KIAA1328: variants seen among roughly 807,000 people sequenced by gnomAD.
KIAA1328 encodes protein hinderin.
In KIAA1328, 52 loss-of-function variants were observed where a neutral mutation model predicts 68.1. The observed-to-expected ratio is 0.76, with a 90% CI of 0.61 to 0.96. The LOEUF (loss-of-function observed/expected upper bound fraction) is 0.96. KIAA1328 is among the 40% of genes least tolerant of loss of function. The pLI is 0.00. For synonymous variants in KIAA1328, 232 were observed against 239.4 expected (o/e 0.97, Z 0.28); for missense variants, 641 against 677.6 (o/e 0.95, Z 0.60).
At chr18:37,141,537 A>C (rs1322650643) in intron 7 of KIAA1328, among the ~76,000 whole-genome samples, 1 of 152,216 alleles carries the variant, frequency 6.6e-6, no homozygotes, top group Non-Finnish European at 1.5e-5. Context: ...GGCAAAACAA[A>C]AGACAACTGA....
intron 4 of KIAA1328, among the ~76,000 whole-genome samples, chr18:36,845,497 T>C (rs1343457583): frequency 6.6e-6 from 1 of 151,732 alleles, no homozygotes; most frequent in Non-Finnish European, 1.5e-5. Context: ...CCCATTTCAT[T>C]TGAGCTGCCA....
chr18:37,128,980 T>A (rs2058458372), intron 7 of KIAA1328, among the ~76,000 whole-genome samples: 1 of 152,086 alleles, frequency 6.6e-6, no homozygotes, highest in South Asian at 2.1e-4. Context: ...AGAAAACAGA[T>A]CAGTGCTTGC....
intron 9 of KIAA1328, among the ~76,000 whole-genome samples, chr18:37,211,225 G>A (rs2060309967): frequency 6.6e-6 from 1 of 152,156 alleles, no homozygotes; most frequent in South Asian, 2.1e-4. Context: ...TCTAGTCTGG[G>A]AAGTCAAGGG....
intron 4 of KIAA1328, among the ~76,000 whole-genome samples, chr18:36,881,457 AAAG>A (rs35313988): frequency 0.1 from 15,781 of 152,078 alleles, 2,748 homozygotes; most frequent in African/African-American, 0.36. Flanking sequence ...ACTTAAAAAG[AAAG>A]AAGAAGGTCA....
At chr18:36,848,317 G>A (rs1232586470) in intron 4 of KIAA1328, among the ~76,000 whole-genome samples, 1 of 151,214 alleles carries the variant, frequency 6.6e-6, no homozygotes, top group African/African-American at 2.4e-5. Context: ...TTATACTATT[G>A]TAAGTGGTGT....
At chr18:37,090,376 G>A (rs890399948) in intron 7 of KIAA1328, among the ~76,000 whole-genome samples, 8 of 152,100 alleles carry the variant, frequency 5.3e-5, no homozygotes, top group African/African-American at 1.4e-4. Flanking sequence ...GATCATTCTC[G>A]TAACCATTCT....
At chr18:37,152,623 G>C (rs1301282809) in intron 7 of KIAA1328, among the ~76,000 whole-genome samples, 1 of 152,182 alleles carries the variant, frequency 6.6e-6, no homozygotes, top group Non-Finnish European at 1.5e-5. Context: ...TCCATACAGT[G>C]GCGCGTTGGC....
chr18:36,949,122 T>C (rs983221896), intron 5 of KIAA1328, among the ~76,000 whole-genome samples: 2 of 152,308 alleles, frequency 1.3e-5, no homozygotes, highest in East Asian at 3.9e-4. Context: ...CAGCTTTTTT[T>C]CTTCTACAGT....
chr18:37,040,788 C>T (rs1217648725), intron 6 of KIAA1328, among the ~76,000 whole-genome samples: 2 of 151,398 alleles, frequency 1.3e-5, no homozygotes, highest in South Asian at 2.1e-4. Flanking sequence ...TTTCTTCCTT[C>T]CCCTTTGACT....
At chr18:37,019,370 G>T (rs1460242458) in intron 6 of KIAA1328, among the ~76,000 whole-genome samples, 1 of 152,232 alleles carries the variant, frequency 6.6e-6, no homozygotes, top group Non-Finnish European at 1.5e-5. Context: ...TTTACTGGCA[G>T]AAGTTCTCTG....
chr18:37,177,835 A>C (rs2059624000), intron 9 of KIAA1328, among the ~76,000 whole-genome samples: 1 of 152,070 alleles, frequency 6.6e-6, no homozygotes, highest in Non-Finnish European at 1.5e-5. Flanking sequence ...GTTTATTTTT[A>C]TTAATTGACA....
At chr18:37,161,056 A>AAAAGATGTACAGG (rs1240243654) in intron 8 of KIAA1328, among the ~76,000 whole-genome samples, 1 of 152,180 alleles carries the variant, frequency 6.6e-6, no homozygotes, top group African/African-American at 2.4e-5. Context: ...TATTGTACAG[A>AAAAGATGTACAGG]AAAGATGTAC....
At position 36,992,883 on chromosome 18, in the gene KIAA1328, C is replaced by T. The variant is rs77985191; in HGVS notation, c.576+33448C>T. The stretch of plus-strand genomic sequence containing the variant: ...CTTTGGGAGGCCAAGGCGAGTGGAT[C>T]GCTTGAGCCCAGGAACTTGAGACTA... On this transcript the variant is annotated intron_variant, in intron 6 of 9. Coordinates refer to ENST00000280020, the MANE Select transcript of KIAA1328 (RefSeq NM_020776.3). 7.4e-3 allele frequency among the ~76,000 whole-genome samples: 1,121 copies of T among 152,218 alleles called. 20 individuals are homozygous for T. The East Asian group carries it at 0.075, about 10-fold the overall frequency.
At chr18:37,189,394 T>G (rs1424217542) in intron 9 of KIAA1328, among the ~76,000 whole-genome samples, 2 of 152,204 alleles carry the variant, frequency 1.3e-5, no homozygotes, top group African/African-American at 4.8e-5. Flanking sequence ...TAAAATAAAT[T>G]ATTTTAAAAA....
intron 5 of KIAA1328, among the ~76,000 whole-genome samples, chr18:36,953,136 G>GC (rs1208398849): frequency 1.3e-5 from 2 of 150,332 alleles, no homozygotes; most frequent in African/African-American, 2.4e-5. Context: ...TATCTGCTTT[G>GC]CCCCCTCTCG....
At chr18:36,969,088 A>T (rs1196527813) in intron 6 of KIAA1328, among the ~76,000 whole-genome samples, 1 of 152,208 alleles carries the variant, frequency 6.6e-6, no homozygotes, top group Non-Finnish European at 1.5e-5. Flanking sequence ...CTTTGAAATG[A>T]TTGAGAACAA....
intron 6 of KIAA1328, among the ~76,000 whole-genome samples, chr18:37,031,925 G>C (rs548632609): frequency 1.3e-5 from 2 of 152,134 alleles, no homozygotes; most frequent in Non-Finnish European, 2.9e-5. Flanking sequence ...GCAGCACTTT[G>C]GGAGGCTGAG....
chr18:37,087,806 G>A (rs1419242293), intron 7 of KIAA1328, among the ~76,000 whole-genome samples: 2 of 151,986 alleles, frequency 1.3e-5, no homozygotes, highest in Non-Finnish European at 2.9e-5. Context: ...GGGAGCCAGG[G>A]GGAGTAAAAA....
chr18:36,916,710 G>C (rs184861118), intron 5 of KIAA1328, among the ~76,000 whole-genome samples: 77 of 152,276 alleles, frequency 5.1e-4, no homozygotes, highest in Admixed American at 2.2e-3. Flanking sequence ...GCACAGAGAG[G>C]AAAATTCTTT....
Sources: gnomAD v4.1 joint callset for allele counts (sites outside exome capture counted in the v4.1 genomes callset) on GRCh38, gnomAD v4.1.1 for gene constraint, MANE v1.5 for transcripts, NCBI Gene and HGNC (gene_info 2026-07-23, HGNC 2026-07-21) for gene names.